The following FAT1 variants were observed in gnomAD, a reference collection of about 807,000 sequenced individuals.
FAT1 encodes FAT atypical cadherin 1.
In FAT1, 171 loss-of-function variants were observed where a neutral mutation model predicts 329.8. That is an observed-to-expected ratio of 0.52 (90% confidence interval 0.46 to 0.59). The LOEUF (loss-of-function observed/expected upper bound fraction) is 0.59. Ranked by LOEUF, FAT1 falls within the 20% of genes least tolerant of loss-of-function variation. FAT1 has a pLI of 0.00. For missense variants in FAT1, 5,672 were observed against 5,774.4 expected (o/e 0.98, Z 0.57); for synonymous variants, 2,233 against 2,228.6 (o/e 1.00, Z -0.06).
intron 1 of FAT1, among the ~76,000 whole-genome samples, chr4:186,710,272 C>A (rs1166199474): frequency 6.6e-6 from 1 of 152,074 alleles, no homozygotes; most frequent in East Asian, 1.9e-4. Context: ...AAACATAATG[C>A]CCCTACAGTA....
chr4:186,725,699 A>C (rs148820797), upstream of FAT1, among the ~76,000 whole-genome samples: 298 of 152,272 alleles, frequency 2.0e-3, 1 homozygote, highest in African/African-American at 6.5e-3. This position sits in a 1 kb window ranked among gnomAD's most constrained non-coding sequence, Gnocchi z 5.4. Flanking sequence ...ATTTTATATG[A>C]GAGAGAGAAA....
At chr4:186,672,477 C>T (rs1742774219) in intron 2 of FAT1, among the ~76,000 whole-genome samples, 1 of 152,138 alleles carries the variant, frequency 6.6e-6, no homozygotes, top group African/African-American at 2.4e-5. Context: ...TCTTTCAAAA[C>T]CAGTGATGTG....
chr4:186,700,127 A>G (rs6818461), intron 2 of FAT1, among the ~76,000 whole-genome samples: 34,774 of 152,038 alleles, frequency 0.23, 5,247 homozygotes, highest in African/African-American at 0.42. Flanking sequence ...ACAAGGCAAG[A>G]GAACGATGGC....
Position 186,663,405 on chromosome 4 carries a change from C to A in FAT1, c.3474G>T (p.Val1158=), listed in dbSNP as rs745380836. Residue 1158 remains valine (V), a synonymous_variant, in exon 3 of 27, where the codon GTG becomes GTT. Coordinates refer to ENST00000441802, the MANE Select transcript of FAT1 (RefSeq NM_005245.4). ...CTGGATCAAATGCCTCGATCTGGAC[C>A]ACAGATACATCTTTAGGAGAATTTT... ...IMENSPKDVS[V]VQIEAFDPDS... 2.6e-5 allele frequency: 42 copies of A among 1,613,822 alleles called. No homozygotes were observed. In the African/African-American group the frequency reaches 3.7e-4, roughly 14 times the overall value.
chr4:186,667,350 C>G (rs975237559), intron 2 of FAT1, among the ~76,000 whole-genome samples: 4 of 151,634 alleles, frequency 2.6e-5, no homozygotes, highest in Non-Finnish European at 5.9e-5. Context: ...ACGGATATTA[C>G]TAAAGGTTAA....
intron 3 of FAT1, among the ~76,000 whole-genome samples, chr4:186,655,242 AAATT>A (rs1323131397): frequency 6.6e-6 from 1 of 152,200 alleles, no homozygotes; most frequent in African/African-American, 2.4e-5. Context: ...CTTTTCTGAT[AAATT>A]TATTTTTAGT....
intron 2 of FAT1, among the ~76,000 whole-genome samples, chr4:186,680,424 T>A (rs1235385855): frequency 6.6e-6 from 1 of 152,188 alleles, no homozygotes; most frequent in Non-Finnish European, 1.5e-5. Context: ...AAACACTGAA[T>A]AGGCTTTAAT....
At chr4:186,680,300 T>C (rs1285060414) in intron 2 of FAT1, among the ~76,000 whole-genome samples, 1 of 152,234 alleles carries the variant, frequency 6.6e-6, no homozygotes, top group Non-Finnish European at 1.5e-5. Context: ...GGCTAAGCCA[T>C]CCTATTATGT....
intron 15 of FAT1, among the ~76,000 whole-genome samples, chr4:186,609,557 CA>C (rs1739301763): frequency 6.6e-6 from 1 of 152,090 alleles, no homozygotes; most frequent in African/African-American, 2.4e-5. Flanking sequence ...GCTGGGACTA[CA>C]GGCGCCCGCC....
intron 1 of FAT1, among the ~76,000 whole-genome samples, chr4:186,718,527 C>T (rs1007322115): frequency 1.3e-5 from 2 of 152,032 alleles, no homozygotes; most frequent in African/African-American, 2.4e-5. Context: ...ATTAGCCGGG[C>T]GTGGTGGCAT....
At chr4:186,627,413 C>T (rs534043353) in intron 9 of FAT1, among the ~76,000 whole-genome samples, 1 of 152,288 alleles carries the variant, frequency 6.6e-6, no homozygotes, top group East Asian at 1.9e-4. Flanking sequence ...GAAAACAGAC[C>T]AAAAACATCC....
Position 186,621,318 on chromosome 4 carries a change from C to A in FAT1, c.5268G>T (p.Gln1756His), listed in dbSNP as rs762068021. 2 of 1,614,032 alleles carry A rather than the reference C, an allele frequency of 1.2e-6. No homozygotes were observed. The highest frequency in any genetic ancestry group is 1.7e-6 in the Non-Finnish European group (2 of 1,179,900). ...STNTTVLVHL[Q>H]DENDNAPVFM... The stretch of plus-strand genomic sequence containing the variant: ...AAACTGGCGCGTTGTCATTCTCATC[C>A]TGCAAGTGAACTAGAACCGTTGTAT... Residue 1756 changes from glutamine (Q) to histidine (H), a missense_variant, in exon 10 of 27, where the codon CAG becomes CAT. Physicochemically the swap from Gln to His is conservative, Grantham distance 24. Around this residue, in one of 2 missense-constraint regions of FAT1, gnomAD observed 3,966 missense variants for 3,915.2 expected, o/e 1.01. Transcript: ENST00000441802.
In FAT1 at chr4:186,621,384, T is replaced by A. The variant is rs745819044; in HGVS notation, c.5202A>T (p.Thr1734=). The change falls in exon 10 of 27, where the codon ACA becomes ACT. Residue 1734 remains threonine, a synonymous_variant. Transcript: ENST00000441802. ...CCATGTTAGTTCCTTGTATTATCAATGTGTAAATGGGCAAAGTTTCAAAGT... is the reference window on the plus strand; with the variant it reads ...CCATGTTAGTTCCTTGTATTATCAAAGTGTAAATGGGCAAAGTTTCAAAGT... ...ALDFETLPIY[T]LIIQGTNMAG... is the part of the protein sequence containing the mutation. 1 of 1,614,006 alleles carries A rather than the reference T, an allele frequency of 6.2e-7. No individual in the cohort carries two copies. The highest frequency in any genetic ancestry group is 1.7e-5 in the Admixed American group (1 of 60,030).
Position 186,596,627 on chromosome 4 carries a change from C to T in FAT1, c.12913G>A (p.Ala4305Thr), listed in dbSNP as rs2126387380. ...GGGGGTGGGGGAGGCAGGTTTGGCG[C>T]CACGCTGCAGACCGCCACTGCTTTT... ...HRKAVAVCSV[A>T]PNLPPPPPSN... The change falls in exon 25 of 27, where the codon GCG (alanine) becomes ACG (threonine). Residue 4305 changes from alanine (A) to threonine (T), a missense_variant. Physicochemically the swap from Ala to Thr is moderately conservative, Grantham distance 58 (BLOSUM62 0). Around this residue, in one of 2 missense-constraint regions of FAT1, gnomAD observed 1,706 missense variants for 1,859.1 expected, o/e 0.92. Transcript: ENST00000441802. This position sits in a 1 kb window ranked among gnomAD's most constrained non-coding sequence, Gnocchi z 4.7. The T allele has an allele frequency of 6.2e-7, 1 of 1,610,694 alleles. No homozygotes were observed. The highest frequency in any genetic ancestry group is 8.5e-7 in the Non-Finnish European group (1 of 1,178,466).
rs372936895 is a variant in FAT1, at chr4:186,605,056, T to TA, written c.10351-483dup. On this transcript the variant is annotated intron_variant, in intron 17 of 26. Coordinates refer to ENST00000441802, the MANE Select transcript of FAT1 (RefSeq NM_005245.4). ...CAACGTGGTGAAACCCCGTCTCTAC[T>TA]AAAAATACAAAAATTAGCCGGGCGT... Among the ~76,000 whole-genome samples, 1,209 of 151,698 alleles carry TA rather than the reference T, an allele frequency of 8.0e-3. 14 individuals carry two copies. Among genetic ancestry groups the TA allele is most frequent in the African/African-American group, 0.026 (1,056 of 41,360 alleles).
chr4:186,620,313 T>C lies in FAT1; in HGVS notation c.6273A>G (p.Lys2091=), dbSNP rs2126514422. ...FVNLPYYAVV[K]VDTEVGHVIR... ...TGACATGGCCCACCTCAGTGTCCAC[T>C]TTAACAACGGCGTAGTAGGGAAGGT... Residue 2091 remains lysine, a synonymous_variant, in exon 10 of 27, where the codon AAA becomes AAG. Transcript: ENST00000441802. The C allele has an allele frequency of 1.9e-6, 3 of 1,614,024 alleles. No individual in the cohort carries two copies. The highest frequency in any genetic ancestry group is 2.5e-6 in the Non-Finnish European group (3 of 1,179,896).
intron 26 of FAT1, among the ~76,000 whole-genome samples, chr4:186,589,861 C>T (rs903097554): frequency 6.6e-6 from 1 of 152,080 alleles, no homozygotes; most frequent in Admixed American, 6.6e-5. Context: ...ATAAAAGTAA[C>T]CTTTAACATG....
Position 186,587,869 on chromosome 4 carries a change from T to G in FAT1, c.*723A>C, listed in dbSNP as rs1425080094. On this transcript the variant is annotated 3_prime_UTR_variant, in exon 27 of 27. Coordinates refer to ENST00000441802, the MANE Select transcript of FAT1 (RefSeq NM_005245.4). ...TTCATTAAAAACCTTTACAAGACCATTGCATCACAAATATACAGACACTAT... is the reference window on the plus strand; with the variant it reads ...TTCATTAAAAACCTTTACAAGACCAGTGCATCACAAATATACAGACACTAT... 4.7e-6 allele frequency: 1 copy of G among 213,374 alleles called. No individual in the cohort carries two copies. The highest frequency in any genetic ancestry group is 9.5e-6 in the Non-Finnish European group (1 of 105,504). The allele number at this position is 213,374 out of a possible 1,614,324, so 13.2% of individuals were successfully genotyped here.
At chr4:186,606,710 G>T (rs1739162581) in intron 16 of FAT1, among the ~76,000 whole-genome samples, 3 of 152,064 alleles carry the variant, frequency 2.0e-5, no homozygotes, top group Admixed American at 1.3e-4. Flanking sequence ...TTCACACTCG[G>T]ATTATACTCA....
Sources: allele counts gnomAD v4.1 joint callset (sites outside exome capture counted in the v4.1 genomes callset), GRCh38; gene constraint gnomAD v4.1.1; regional missense constraint gnomAD v4.1.1; non-coding constraint Gnocchi (gnomAD v3.1); transcripts MANE v1.5; gene names NCBI Gene and HGNC (gene_info 2026-07-23, HGNC 2026-07-21).